Variants in ANO4 observed in about 807,000 individuals in gnomAD.
ANO4 encodes the protein anoctamin 4.
Under a neutral mutation model 141.9 loss-of-function variants are expected in ANO4, and 69 were observed. The ratio of observed to expected loss-of-function variants is 0.49; its 90% CI spans 0.40 to 0.59. ANO4 has a LOEUF of 0.59. Among genes scored for constraint, ANO4 ranks in the 20% least tolerant of loss-of-function variants. The pLI, the probability that ANO4 is intolerant of heterozygous loss-of-function variation, is 0.00. For synonymous variants in ANO4, 350 were observed against 394.3 expected (o/e 0.89, Z 1.33); for missense variants, 894 against 1,162.2 (o/e 0.77, Z 3.36).
chr12:101,110,696 T>C (rs891846014), intron 23 of ANO4, 140 bp downstream of exon 23: 1 of 705,378 alleles, frequency 1.4e-6, no homozygotes, highest in African/African-American at 1.8e-5. Flanking sequence ...ATAATTATAT[T>C]AGTTTTAAAT....
chr12:100,992,517 A>G (rs892145179), intron 8 of ANO4, among the ~76,000 whole-genome samples: 1 of 152,174 alleles, frequency 6.6e-6, no homozygotes, highest in Admixed American at 6.5e-5. Context: ...GACTCCTGCT[A>G]TGGAAGCCTC....
chr12:100,832,523 C>T (rs1260604425), intron 1 of ANO4, among the ~76,000 whole-genome samples: 1 of 152,100 alleles, frequency 6.6e-6, no homozygotes, highest in Non-Finnish European at 1.5e-5. Flanking sequence ...CCCATCACCT[C>T]AGGAGTCATT....
At chr12:100,998,942 A>G (rs1555272204) in intron 8 of ANO4, among the ~76,000 whole-genome samples, 2 of 152,222 alleles carry the variant, frequency 1.3e-5, no homozygotes, top group African/African-American at 2.4e-5. Context: ...TGAGTAAGGT[A>G]TCGTCATTAT....
intron 3 of ANO4, among the ~76,000 whole-genome samples, chr12:100,767,340 T>A (rs2135542738): frequency 6.6e-6 from 1 of 152,342 alleles, no homozygotes; most frequent in Non-Finnish European, 1.5e-5. Flanking sequence ...GTGGTATACT[T>A]TGATTCCTTT....
At chr12:100,717,821 C>T (rs1001258181) in intron 1 of ANO4, among the ~76,000 whole-genome samples, 2 of 152,310 alleles carry the variant, frequency 1.3e-5, no homozygotes, top group East Asian at 1.9e-4. Context: ...CCCTCGCTTC[C>T]GACCACTCAG....
chr12:100,811,150 C>T (rs1373536614), intron 1 of ANO4, among the ~76,000 whole-genome samples: 2 of 152,016 alleles, frequency 1.3e-5, no homozygotes, highest in African/African-American at 2.4e-5. Context: ...ATAATTTGGG[C>T]GGTCACAGAA....
intron 22 of ANO4, among the ~76,000 whole-genome samples, chr12:101,104,643 A>G (rs916516194): frequency 5.0e-4 from 31 of 62,004 alleles, no homozygotes; most frequent in East Asian, 2.2e-3. Flanking sequence ...ATATATATAT[A>G]TATATATATA....
intron 18 of ANO4, 92 bp from the exon 19 acceptor site, chr12:101,096,444 G>C (rs935730399): frequency 1.0e-6 from 1 of 997,154 alleles, no homozygotes; most frequent in Non-Finnish European, 1.6e-6. Flanking sequence ...GGACTCCTGC[G>C]TCCCCACCCT....
At chr12:100,943,647 T>C (rs1566039398) in intron 5 of ANO4, among the ~76,000 whole-genome samples, 1 of 152,282 alleles carries the variant, frequency 6.6e-6, no homozygotes, top group Admixed American at 6.5e-5. Context: ...GTTCTTATTC[T>C]CAGGAAAGAA....
At chr12:101,121,950 C>T (rs1165888833) in intron 26 of ANO4, among the ~76,000 whole-genome samples, 11 of 151,920 alleles carry the variant, frequency 7.2e-5, no homozygotes, top group African/African-American at 1.7e-4. Context: ...TTAGTGGAGA[C>T]GGGGTTTCAC....
intron 5 of ANO4, among the ~76,000 whole-genome samples, chr12:100,969,297 G>A (rs1365028024): frequency 6.6e-6 from 1 of 152,090 alleles, no homozygotes; most frequent in Non-Finnish European, 1.5e-5. Flanking sequence ...TTATACTCAG[G>A]GCACTACTTG....
At chr12:100,907,953 T>C (rs1299196775) in intron 2 of ANO4, among the ~76,000 whole-genome samples, 3 of 152,250 alleles carry the variant, frequency 2.0e-5, no homozygotes, top group Non-Finnish European at 4.4e-5. Flanking sequence ...TTGATATTAC[T>C]ATAATACAAT....
In ANO4 at chr12:101,103,383, T is replaced by C. The variant is rs568294207; in HGVS notation, c.2149+3663T>C. The stretch of plus-strand genomic sequence containing the variant: ...AGCTGTATTGTTTTGTACATACTTT[T>C]TATTATTTCCTTAAAGAAGTTTTCA... On this transcript the variant is annotated intron_variant, in intron 22 of 27. Coordinates refer to ENST00000392977, the MANE Select transcript of ANO4 (RefSeq NM_001286615.2). Among the ~76,000 whole-genome samples, 3 of 151,346 alleles carry C rather than the reference T, an allele frequency of 2.0e-5. No homozygotes were observed. The South Asian group carries it at 6.2e-4, about 31-fold the overall frequency.
At chr12:100,959,311 A>C (rs1263897203) in intron 5 of ANO4, among the ~76,000 whole-genome samples, 1 of 151,962 alleles carries the variant, frequency 6.6e-6, no homozygotes, top group Non-Finnish European at 1.5e-5. Context: ...TTGCTCCTGT[A>C]ATTGTCTTCC....
intron 7 of ANO4, among the ~76,000 whole-genome samples, chr12:100,981,437 G>GGGAAGGAA (rs149796199): frequency 1.3e-5 from 2 of 150,354 alleles, no homozygotes; most frequent in Admixed American, 6.6e-5. Context: ...AAGAAAAGGA[G>GGGAAGGAA]GGAAGGAAGG....
At chr12:100,804,693 T>G (rs1050163039) in intron 1 of ANO4, among the ~76,000 whole-genome samples, 3 of 152,266 alleles carry the variant, frequency 2.0e-5, no homozygotes, top group African/African-American at 7.2e-5. Flanking sequence ...TGCATTTATC[T>G]AATGATCAGC....
chr12:101,122,525 T>C (rs1006761370), intron 26 of ANO4, among the ~76,000 whole-genome samples: 8 of 152,322 alleles, frequency 5.3e-5, no homozygotes, highest in African/African-American at 1.9e-4. Context: ...AGGTCTTACA[T>C]GTAAGTCTTT....
At chr12:100,993,295 A>C (rs920332779) in intron 8 of ANO4, among the ~76,000 whole-genome samples, 17 of 152,196 alleles carry the variant, frequency 1.1e-4, no homozygotes, top group Non-Finnish European at 1.5e-4. Context: ...TCAACATACA[A>C]ATGCTACTTG....
intron 1 of ANO4, among the ~76,000 whole-genome samples, chr12:100,841,608 G>A (rs1219250756): frequency 6.6e-6 from 1 of 152,174 alleles, no homozygotes; most frequent in Admixed American, 6.6e-5. Flanking sequence ...CCTAAATAAA[G>A]TGAGGGAGCA....
Sources: allele counts gnomAD v4.1 joint callset (sites outside exome capture counted in the v4.1 genomes callset), GRCh38; gene constraint gnomAD v4.1.1; transcripts MANE v1.5; gene names NCBI Gene and HGNC (gene_info 2026-07-23, HGNC 2026-07-21).